BTNL8: variants seen among roughly 807,000 people sequenced by gnomAD.
The protein encoded by BTNL8 is butyrophilin like 8, also known as butyrophilin-like protein 8.
BTNL8 carries 22 observed loss-of-function variants against 36.1 expected under a neutral mutation model. That is an observed-to-expected ratio of 0.61 (90% CI 0.44 to 0.87). The LOEUF is 0.87. BTNL8 is among the 40% of genes least tolerant of loss of function. The probability of loss-of-function intolerance (pLI) is 0.00; values close to 1 mark genes in which losing one functional copy is unlikely to be tolerated. For synonymous variants in BTNL8, 203 were observed against 235.6 expected (o/e 0.86, Z 1.27); for missense variants, 526 against 616.9 (o/e 0.85, Z 1.56).
At position 180,937,404 on chromosome 5, in the gene BTNL8, C is replaced by T. The variant is rs183312341; in HGVS notation, c.674-10108C>T. ...TTGAAGGTACTTCCAATGTTGATTA[C>T]AGCTGAAGCAGTTACATGGAAATTA... is the stretch of plus-strand genomic sequence containing the variant. On this transcript the variant is annotated intron_variant, in intron 3 of 7. Coordinates refer to ENST00000340184, the MANE Select transcript of BTNL8 (RefSeq NM_001040462.3). Among the ~76,000 whole-genome samples, 23 of 152,300 alleles carry T rather than the reference C, an allele frequency of 1.5e-4. No individual in the cohort carries two copies. In the East Asian group the frequency reaches 4.4e-3, roughly 29 times the overall value.
Position 180,949,250 on chromosome 5 carries a change from G to A in BTNL8, c.847G>A (p.Ala283Thr), listed in dbSNP as rs761560506. 8.9e-6 allele frequency: 13 copies of A among 1,459,736 alleles called. 2 individuals are homozygous for A. In the Middle Eastern group the frequency reaches 8.8e-4, roughly 99 times the overall value. 90.4% of individuals were successfully genotyped at this position (1,459,736 alleles called of 1,614,324 possible). ...CTGCTTGCTTTCAGAATTGAGAGAC[G>A]CCCGGAAACACGCAGGTACCAACGC... ...RKHGQAELRD[A>T]RKHAVEVTLD... The change falls in exon 7 of 8, where the codon GCC (alanine) becomes ACC (threonine). Residue 283 changes from alanine to threonine, a missense_variant. Around this residue, in one of 2 missense-constraint regions of BTNL8, gnomAD observed 176 missense variants for 292.3 expected, o/e 0.60. Transcript: ENST00000340184.
At chr5:180,936,271 G>A (rs965984396) in intron 3 of BTNL8, among the ~76,000 whole-genome samples, 1 of 151,744 alleles carries the variant, frequency 6.6e-6, no homozygotes, top group Non-Finnish European at 1.5e-5. Context: ...AGAAAGAAAA[G>A]GTATCCACAT....
At chr5:180,915,216 C>A (rs1490799317) in intron 3 of BTNL8, among the ~76,000 whole-genome samples, 2 of 152,190 alleles carry the variant, frequency 1.3e-5, no homozygotes, top group African/African-American at 4.8e-5. Flanking sequence ...CTGATATGTG[C>A]CCCCAGCCCT....
chr5:180,941,094 GAGGGAGGAAGGA>G (rs1218760359), intron 3 of BTNL8, among the ~76,000 whole-genome samples: 1 of 80,934 alleles, frequency 1.2e-5, no homozygotes, highest in Non-Finnish European at 3.0e-5. Context: ...GGAAGGGAGG[GAGGGAGGAAGGA>G]AGGGAGGAAG....
At chr5:180,940,180 A>T (rs1758855229) in intron 3 of BTNL8, among the ~76,000 whole-genome samples, 1 of 152,090 alleles carries the variant, frequency 6.6e-6, no homozygotes, top group South Asian at 2.1e-4. Context: ...CACCATCTCT[A>T]CTAAAAATAC....
chr5:180,949,475 G>A lies in BTNL8; in HGVS notation c.862+210G>A, dbSNP rs556312791. The A allele has an allele frequency of 4.6e-5, 36 of 785,250 alleles. 4 individuals carry two copies. In the African/African-American group the frequency reaches 5.6e-4, roughly 12 times the overall value. The allele number at this position is 785,250 out of a possible 1,614,324, so 48.6% of individuals were successfully genotyped here. On this transcript the variant is annotated intron_variant, in intron 7 of 7. Coordinates refer to ENST00000340184, the MANE Select transcript of BTNL8 (RefSeq NM_001040462.3). The stretch of plus-strand genomic sequence containing the variant: ...TCTAGAAGGGGAGAAGACAGGGGCT[G>A]GGTAAACGGGAGACGGGGGGGTCTT...
At chr5:180,941,145 G>GAAGGAAGT (rs1318175815) in intron 3 of BTNL8, among the ~76,000 whole-genome samples, 1 of 150,922 alleles carries the variant, frequency 6.6e-6, no homozygotes, top group African/African-American at 2.4e-5. Flanking sequence ...AGGAAGGAAG[G>GAAGGAAGT]AAGGAAGGAG....
In BTNL8 at chr5:180,908,933, G is replaced by A; in HGVS notation, c.397G>A (p.Ala133Thr). ...GGCCATCTGGGAGCTACAGGTGTCA[G>A]GTCAGTTTCATATTTCATAACTTAG... is the stretch of plus-strand genomic sequence containing the variant. ...QKAIWELQVS[A>T]LGSVPLISIT... Residue 133 changes from alanine (A) to threonine (T), a missense_variant and splice_region_variant, in exon 2 of 8, where the codon GCA becomes ACA. Ala to Thr is a moderately conservative substitution (Grantham distance 58, BLOSUM62 0). Coordinates refer to ENST00000340184, the MANE Select transcript of BTNL8 (RefSeq NM_001040462.3). 1 of 1,608,588 alleles carries A rather than the reference G, an allele frequency of 6.2e-7. No homozygotes were observed. Among genetic ancestry groups the A allele is most frequent in the Non-Finnish European group, 8.5e-7 (1 of 1,176,090 alleles).
At chr5:180,936,250 A>T (rs1758650686) in intron 3 of BTNL8, among the ~76,000 whole-genome samples, 1 of 152,148 alleles carries the variant, frequency 6.6e-6, no homozygotes, top group Admixed American at 6.5e-5. Context: ...CAGCACAGTT[A>T]GGCAAAAGAA....
intron 5 of BTNL8, chr5:180,948,578 G>A: frequency 7.6e-7 from 1 of 1,315,842 alleles, no homozygotes; most frequent in Non-Finnish European, 1.0e-6. Context: ...AGGCCCCGGG[G>A]CCTGGAAGTC....
intron 3 of BTNL8, among the ~76,000 whole-genome samples, chr5:180,939,247 T>C (rs1758807565): frequency 3.3e-5 from 5 of 152,086 alleles, no homozygotes; most frequent in Admixed American, 3.3e-4. Context: ...AATATATAGA[T>C]TGGCTGAATG....
chr5:180,948,086 C>A lies in BTNL8; in HGVS notation c.788-269C>A, dbSNP rs367574678. The A allele has an allele frequency of 1.0e-3, 654 of 647,430 alleles. 15 individuals are homozygous for A. The South Asian group carries it at 0.012, about 12-fold the overall frequency. 40.1% of individuals were successfully genotyped at this position (647,430 alleles called of 1,614,324 possible). ...TGGGGGTGAGGCCACCCCCGCCTCC[C>A]CTCCCAGCTGCCTTCTCCCATCTCC... is the stretch of plus-strand genomic sequence containing the variant. On this transcript the variant is annotated intron_variant, in intron 4 of 7. Coordinates refer to ENST00000340184, the MANE Select transcript of BTNL8 (RefSeq NM_001040462.3).
At chr5:180,919,707 A>G (rs1214779724) in intron 3 of BTNL8, among the ~76,000 whole-genome samples, 1 of 152,230 alleles carries the variant, frequency 6.6e-6, no homozygotes, top group East Asian at 1.9e-4. Flanking sequence ...AAGTTGTAGG[A>G]TACAAAATCA....
intron 3 of BTNL8, among the ~76,000 whole-genome samples, chr5:180,927,508 G>T (rs1758160510): frequency 6.6e-6 from 1 of 152,206 alleles, no homozygotes; most frequent in Non-Finnish European, 1.5e-5. Context: ...GTAGGCTTCA[G>T]AAGGTGGGTA....
intron 3 of BTNL8, among the ~76,000 whole-genome samples, chr5:180,916,258 C>T (rs1388498344): frequency 6.6e-6 from 1 of 152,200 alleles, no homozygotes; most frequent in Non-Finnish European, 1.5e-5. Flanking sequence ...AACACATAAA[C>T]TCTGGGGATA....
intron 3 of BTNL8, among the ~76,000 whole-genome samples, chr5:180,941,912 C>CTTTTTTTTT (rs1554145496): frequency 1.6e-4 from 23 of 144,988 alleles, no homozygotes; most frequent in South Asian, 2.2e-4. Flanking sequence ...TTTTACTACT[C>CTTTTTTTTT]TTATTCAACA....
chr5:180,920,411 G>A (rs1219245827), intron 3 of BTNL8, among the ~76,000 whole-genome samples: 1 of 144,918 alleles, frequency 6.9e-6, no homozygotes, highest in Non-Finnish European at 1.6e-5. Context: ...AGTGATATTG[G>A]ACTCATATTT....
At chr5:180,931,440 A>G (rs1268732824) in intron 3 of BTNL8, among the ~76,000 whole-genome samples, 1 of 152,226 alleles carries the variant, frequency 6.6e-6, no homozygotes, top group East Asian at 1.9e-4. Context: ...AAGGGCAACA[A>G]AAGCCAAAAT....
chr5:180,950,822 A>G lies in BTNL8; in HGVS notation c.*278A>G. 1 of 434,792 alleles carries G rather than the reference A, an allele frequency of 2.3e-6. No individual in the cohort carries two copies. The highest frequency in any genetic ancestry group is 2.3e-5 in the South Asian group (1 of 44,036). The allele number at this position is 434,792 out of a possible 1,614,324, so 26.9% of individuals were successfully genotyped here. On this transcript the variant is annotated 3_prime_UTR_variant, in exon 8 of 8. Coordinates refer to ENST00000340184, the MANE Select transcript of BTNL8 (RefSeq NM_001040462.3). Reference sequence around the variant, plus strand: ...TCACAGGCTGTGGTGTAGATTAAGTAGACAAGGAATGTGAATAATGCTTAG... The same window carrying G: ...TCACAGGCTGTGGTGTAGATTAAGTGGACAAGGAATGTGAATAATGCTTAG...
Sources: allele counts gnomAD v4.1 joint callset (sites outside exome capture counted in the v4.1 genomes callset), GRCh38; gene constraint gnomAD v4.1.1; regional missense constraint gnomAD v4.1.1; transcripts MANE v1.5; gene names NCBI Gene and HGNC (gene_info 2026-07-23, HGNC 2026-07-21).